The following DPP10 variants were observed in gnomAD, a reference collection of about 807,000 sequenced individuals.
DPP10 encodes inactive dipeptidyl peptidase 10.
In DPP10, 33 loss-of-function variants were observed where a neutral mutation model predicts 120.9. That is an observed-to-expected ratio of 0.27 (90% CI 0.21 to 0.37). The LOEUF (loss-of-function observed/expected upper bound fraction) is 0.37, where lower values mean the gene tolerates loss of function less well. Among genes scored for constraint, DPP10 ranks in the 10% least tolerant of loss-of-function variants. The pLI is 1.00. For missense variants in DPP10, 816 were observed against 942.8 expected (o/e 0.87, Z 1.76); for synonymous variants, 337 against 326.1 (o/e 1.03, Z -0.36).
chr2:115,597,525 A>G (rs535586766), intron 5 of DPP10, among the ~76,000 whole-genome samples: 11 of 146,034 alleles, frequency 7.5e-5, no homozygotes, highest in African/African-American at 2.6e-4. Flanking sequence ...TAAAGGTCAT[A>G]TATACATATA....
At chr2:115,019,640 C>T (rs1047813209) in intron 1 of DPP10, among the ~76,000 whole-genome samples, 7 of 152,150 alleles carry the variant, frequency 4.6e-5, no homozygotes, top group Non-Finnish European at 7.4e-5. Context: ...GAGATCTAGA[C>T]ATCCAAATAC....
chr2:115,603,670 T>A (rs6542272), intron 5 of DPP10, among the ~76,000 whole-genome samples: 1 of 151,056 alleles, frequency 6.6e-6, no homozygotes, highest in Non-Finnish European at 1.5e-5. Flanking sequence ...CGCTGACATA[T>A]TTTAAAAGCA....
At chr2:114,466,894 A>G (rs1009175423) in intron 1 of DPP10, among the ~76,000 whole-genome samples, 1 of 152,056 alleles carries the variant, frequency 6.6e-6, no homozygotes, top group Admixed American at 6.5e-5. Context: ...AAATATAGAA[A>G]ACTATTAGCT....
chr2:115,390,271 T>C (rs1390314557), intron 3 of DPP10, among the ~76,000 whole-genome samples: 1 of 152,228 alleles, frequency 6.6e-6, no homozygotes, highest in African/African-American at 2.4e-5. Context: ...CATGCTGAAA[T>C]ATAATCATCC....
intron 5 of DPP10, among the ~76,000 whole-genome samples, chr2:115,546,988 G>A (rs2079540330): frequency 1.3e-5 from 2 of 152,134 alleles, no homozygotes; most frequent in Non-Finnish European, 2.9e-5. Flanking sequence ...GACAAGAAAT[G>A]ATATGGAATC....
chr2:114,485,961 A>G (rs1472015918), intron 1 of DPP10, among the ~76,000 whole-genome samples: 1 of 152,130 alleles, frequency 6.6e-6, no homozygotes, highest in East Asian at 1.9e-4. Flanking sequence ...CACTACCCAC[A>G]CACATGTAGT....
chr2:115,240,367 T>C (rs529573051), intron 1 of DPP10, among the ~76,000 whole-genome samples: 82 of 152,366 alleles, frequency 5.4e-4, no homozygotes, highest in South Asian at 1.0e-3. Flanking sequence ...TGATGAGCTT[T>C]TTTTCATATG....
At chr2:114,923,176 T>C (rs913213193) in intron 1 of DPP10, among the ~76,000 whole-genome samples, 2 of 151,660 alleles carry the variant, frequency 1.3e-5, no homozygotes, top group African/African-American at 4.8e-5. Context: ...CATTCTGTAT[T>C]TTTTTTCTTT....
intron 1 of DPP10, among the ~76,000 whole-genome samples, chr2:115,015,678 A>T (rs1461430788): frequency 6.6e-6 from 1 of 152,194 alleles, no homozygotes; most frequent in Non-Finnish European, 1.5e-5. Context: ...AACATGCAAA[A>T]TTCACAAACA....
chr2:115,569,695 T>C (rs2081228817), intron 5 of DPP10, among the ~76,000 whole-genome samples: 1 of 152,204 alleles, frequency 6.6e-6, no homozygotes, highest in South Asian at 2.1e-4. Context: ...ATATCAGGCA[T>C]GAACTAGTAC....
intron 5 of DPP10, among the ~76,000 whole-genome samples, chr2:115,627,450 G>A (rs900952017): frequency 2.6e-5 from 4 of 152,164 alleles, no homozygotes; most frequent in African/African-American, 9.7e-5. Context: ...AAGATTTATA[G>A]TGTCAACAGA....
At chr2:114,448,864 A>G (rs909411421) in intron 1 of DPP10, among the ~76,000 whole-genome samples, 1 of 152,184 alleles carries the variant, frequency 6.6e-6, no homozygotes, top group African/African-American at 2.4e-5. Context: ...CATTAAATAT[A>G]TATTTGTTGG....
chr2:114,786,000 G>A (rs1275106200), intron 1 of DPP10, among the ~76,000 whole-genome samples: 1 of 152,164 alleles, frequency 6.6e-6, no homozygotes, highest in African/African-American at 2.4e-5. Flanking sequence ...ACACAGCCCC[G>A]TTTTCATTTT....
At chr2:115,554,040 C>T (rs1048914652) in intron 5 of DPP10, among the ~76,000 whole-genome samples, 2 of 143,778 alleles carry the variant, frequency 1.4e-5, no homozygotes, top group South Asian at 2.2e-4. Flanking sequence ...CACACACACA[C>T]ACCAAATTAA....
At chr2:114,743,089 C>T (rs184337334) in intron 1 of DPP10, among the ~76,000 whole-genome samples, 30 of 152,122 alleles carry the variant, frequency 2.0e-4, no homozygotes, top group African/African-American at 5.6e-4. Flanking sequence ...TTTTCTTCTG[C>T]GTAAAGACAA....
In DPP10 at chr2:114,668,008, A is replaced by AT. The variant is rs900006685; in HGVS notation, c.60+225181dup. 1.2e-3 allele frequency among the ~76,000 whole-genome samples: 171 copies of AT among 148,128 alleles called. 1 individual carries two copies. The highest frequency in any genetic ancestry group is 1.8e-3 in the Admixed American group (26 of 14,778). Reference sequence around the variant, plus strand: ...TCTTGAGGCTTAAGAGAAAGAAAACATTTTTTTTTTTGCTAAGAGGTGGCC... The same window carrying AT: ...TCTTGAGGCTTAAGAGAAAGAAAACATTTTTTTTTTTTGCTAAGAGGTGGCC... On this transcript the variant is annotated intron_variant, in intron 1 of 25. Transcript: ENST00000410059.
intron 1 of DPP10, among the ~76,000 whole-genome samples, chr2:114,700,059 G>T (rs1258893452): frequency 6.6e-6 from 1 of 152,050 alleles, no homozygotes. Context: ...TCATTTTCGT[G>T]TCTTTGTCCT....
chr2:114,755,951 T>TAAAAAAAAAAAA (rs57668109), intron 1 of DPP10, among the ~76,000 whole-genome samples: 1 of 129,734 alleles, frequency 7.7e-6, no homozygotes, highest in Non-Finnish European at 1.6e-5. Context: ...AGGAAGAAAT[T>TAAAAAAAAAAAA]AAAAAAAAAA....
intron 1 of DPP10, among the ~76,000 whole-genome samples, chr2:114,939,274 G>A (rs573175486): frequency 6.6e-6 from 1 of 151,726 alleles, no homozygotes; most frequent in Non-Finnish European, 1.5e-5. Context: ...GTGTTGAAAG[G>A]GGGGGGTGGT....
Sources: gnomAD v4.1 joint callset for allele counts (sites outside exome capture counted in the v4.1 genomes callset) on GRCh38, gnomAD v4.1.1 for gene constraint, MANE v1.5 for transcripts, NCBI Gene and HGNC (gene_info 2026-07-23, HGNC 2026-07-21) for gene names.